The following MVB12B variants were observed in gnomAD, a reference collection of about 807,000 sequenced individuals.
MVB12B encodes the protein multivesicular body subunit 12B, also known as ESCRT-I complex subunit MVB12B.
In MVB12B, 16 loss-of-function variants were observed where a neutral mutation model predicts 41.6. The ratio of observed to expected loss-of-function variants is 0.38; its 90% CI spans 0.26 to 0.58. The LOEUF is 0.58. Ranked by LOEUF, MVB12B falls within the 20% of genes least tolerant of loss-of-function variation. The pLI, the probability that MVB12B is intolerant of heterozygous loss-of-function variation, is 0.62. For synonymous variants in MVB12B, 133 were observed against 139.7 expected, an observed-to-expected ratio of 0.95 and a Z score of 0.34; for missense variants, 274 against 380.2, an observed-to-expected ratio of 0.72 and a Z score of 2.32.
intron 9 of MVB12B, among the ~76,000 whole-genome samples, chr9:126,497,525 A>C (rs1833862916): frequency 6.6e-6 from 1 of 152,056 alleles, no homozygotes; most frequent in Non-Finnish European, 1.5e-5. Context: ...GTCCTGCCAG[A>C]CTACTCGGCT....
chr9:126,483,930 A>G, intron 8 of MVB12B, 43 bp from the exon 9 acceptor site: 1 of 1,606,236 alleles, frequency 6.2e-7, no homozygotes, highest in South Asian at 1.1e-5. Flanking sequence ...TGGGAGGAGC[A>G]TTTTCCAGCT....
chr9:126,333,231 T>G lies in MVB12B; in HGVS notation c.81+6221T>G, dbSNP rs1162609397. Among the ~76,000 whole-genome samples the G allele has an allele frequency of 6.6e-6, 1 of 151,694 alleles. No individual in the cohort carries two copies. The highest frequency in any genetic ancestry group is 2.4e-5 in the African/African-American group (1 of 41,250). On this transcript the variant is annotated intron_variant, in intron 1 of 9. Transcript: ENST00000361171. The surrounding 1 kb of genome is among the most constrained non-coding windows in gnomAD (Gnocchi z 4.7). ...CCTCCCGAGTAGGTGGGACTACAGG[T>G]GCGTGCCACCATGCCTGGCTAATTT...
At chr9:126,417,781 G>T (rs1306101921) in intron 6 of MVB12B, among the ~76,000 whole-genome samples, 2 of 152,208 alleles carry the variant, frequency 1.3e-5, no homozygotes, top group East Asian at 1.9e-4. Context: ...TACCTGGAGT[G>T]GGGTGAGAGA....
intron 7 of MVB12B, among the ~76,000 whole-genome samples, chr9:126,444,508 G>A (rs919192842): frequency 1.3e-5 from 2 of 152,072 alleles, no homozygotes; most frequent in African/African-American, 2.4e-5. Context: ...CTGTCTGTCC[G>A]CAGCATCTCT....
intron 7 of MVB12B, among the ~76,000 whole-genome samples, chr9:126,450,595 A>T (rs73668024): frequency 0.056 from 8,525 of 152,160 alleles, 765 homozygotes; most frequent in African/African-American, 0.19. Flanking sequence ...GCCAGAACAG[A>T]TGTTGGTCAT....
chr9:126,425,246 C>T (rs1564324462), intron 7 of MVB12B, among the ~76,000 whole-genome samples: 1 of 152,082 alleles, frequency 6.6e-6, no homozygotes, highest in South Asian at 2.1e-4. Context: ...TGGAAATAGC[C>T]GTGCACTCCT....
chr9:126,340,748 A>C lies in MVB12B; in HGVS notation c.204+118A>C. On this transcript the variant is annotated intron_variant, in intron 2 of 9. Coordinates refer to ENST00000361171, the MANE Select transcript of MVB12B (RefSeq NM_033446.3). This position sits in a 1 kb window ranked among gnomAD's most constrained non-coding sequence, Gnocchi z 4.0. ...TGTGCTTCTTCCCTCTAGGAACTTA[A>C]TCCAGGGAGGGCGTGGAGAGCATCC... 7.9e-7 allele frequency: 1 copy of C among 1,266,996 alleles called. No individual in the cohort carries two copies. The highest frequency in any genetic ancestry group is 1.1e-6 in the Non-Finnish European group (1 of 912,348). The allele number at this position is 1,266,996 out of a possible 1,614,324, so 78.5% of individuals were successfully genotyped here. A position where few individuals can be genotyped will look rare whatever the true frequency, so the allele number is the denominator to read the frequency against.
intron 6 of MVB12B, chr9:126,396,231 G>C (rs1387745280): frequency 1.0e-6 from 1 of 987,024 alleles, no homozygotes; most frequent in Non-Finnish European, 1.2e-6. Context: ...AAAGAAACTT[G>C]GGTGAGCCAA....
intron 7 of MVB12B, among the ~76,000 whole-genome samples, chr9:126,461,020 T>C (rs1218503084): frequency 6.6e-6 from 1 of 152,338 alleles, no homozygotes; most frequent in East Asian, 1.9e-4. Context: ...GTGACTGTTA[T>C]GAGGTCTGGG....
chr9:126,378,258 C>G lies in MVB12B; in HGVS notation c.205-2806C>G, dbSNP rs938276305. ...CCTTGAGTCAGTGGTGGAGGCTCCT[C>G]TTGACACTGTGACTTCAGCCGCATA... On this transcript the variant is annotated intron_variant, in intron 2 of 9. Coordinates refer to ENST00000361171, the MANE Select transcript of MVB12B (RefSeq NM_033446.3). 2.4e-4 allele frequency among the ~76,000 whole-genome samples: 37 copies of G among 152,236 alleles called. 1 individual carries two copies. Among genetic ancestry groups the G allele is most frequent in the Non-Finnish European group, 1.5e-5 (1 of 68,046 alleles).
chr9:126,503,089 C>T, intron 9 of MVB12B, 88 bp from the exon 10 acceptor site: 2 of 1,228,732 alleles, frequency 1.6e-6, no homozygotes, highest in South Asian at 2.6e-5. Flanking sequence ...GCCCAGGCCT[C>T]TGCCTGATCT....
At chr9:126,454,617 A>AT (rs1329498845) in intron 7 of MVB12B, among the ~76,000 whole-genome samples, 1 of 152,182 alleles carries the variant, frequency 6.6e-6, no homozygotes, top group African/African-American at 2.4e-5. Flanking sequence ...TGGACCTTGC[A>AT]TTTTTTAACC....
At chr9:126,448,495 T>C (rs1279025326) in intron 7 of MVB12B, 1 of 152,262 alleles carries the variant, frequency 6.6e-6, no homozygotes. Context: ...TTTGGCCGTT[T>C]TGTGTTTCTA....
chr9:126,420,942 TC>T (rs1831995904), intron 6 of MVB12B, among the ~76,000 whole-genome samples: 1 of 152,212 alleles, frequency 6.6e-6, no homozygotes, highest in Non-Finnish European at 1.5e-5. Flanking sequence ...TGATAAGTGT[TC>T]CCTCCAGCAG....
At chr9:126,381,253 G>A in intron 3 of MVB12B, 82 bp downstream of exon 3, 1 of 1,025,494 alleles carries the variant, frequency 9.8e-7, no homozygotes, top group Non-Finnish European at 1.5e-6. Context: ...TTTTGTTGTT[G>A]TTGTGGTTTA....
At chr9:126,393,042 TG>T (rs1179890024) in intron 5 of MVB12B, among the ~76,000 whole-genome samples, 1 of 152,216 alleles carries the variant, frequency 6.6e-6, no homozygotes, top group East Asian at 1.9e-4. Flanking sequence ...TGCTGAGGCC[TG>T]GGCCCGTTTG....
At position 126,414,724 on chromosome 9, in the gene MVB12B, G is replaced by A. The variant is rs554845090; in HGVS notation, c.663-7130G>A. Among the ~76,000 whole-genome samples, 3 of 152,132 alleles carry A rather than the reference G, an allele frequency of 2.0e-5. No homozygotes were observed. In the South Asian group the frequency reaches 6.2e-4, roughly 32 times the overall value. On this transcript the variant is annotated intron_variant, in intron 6 of 9. Coordinates refer to ENST00000361171, the MANE Select transcript of MVB12B (RefSeq NM_033446.3). Reference sequence around the variant, plus strand: ...TCCTAAAATCTAAACTCATGGATCTGCCTACAGAGTGGTCAACTTCGGGCC... The same window carrying A: ...TCCTAAAATCTAAACTCATGGATCTACCTACAGAGTGGTCAACTTCGGGCC...
chr9:126,466,040 C>A (rs1312461685), intron 7 of MVB12B, among the ~76,000 whole-genome samples: 1 of 152,184 alleles, frequency 6.6e-6, no homozygotes, highest in East Asian at 1.9e-4. Flanking sequence ...AAAGATGTAG[C>A]CCCTCCATCA....
In MVB12B at chr9:126,459,691, T is replaced by A. The variant is rs1833050485; in HGVS notation, c.758-21678T>A. Among the ~76,000 whole-genome samples, 1 of 152,130 alleles carries A rather than the reference T, an allele frequency of 6.6e-6. No individual in the cohort carries two copies. ...AGTTTTGGAGCAGAAGGATGCCTCT[T>A]CTGGATGTGGGGCAGCTTGGAGTGC... On this transcript the variant is annotated intron_variant, in intron 7 of 9. Coordinates refer to ENST00000361171, the MANE Select transcript of MVB12B (RefSeq NM_033446.3). The surrounding 1 kb of genome is among the most constrained non-coding windows in gnomAD (Gnocchi z 4.3).
Sources: allele counts gnomAD v4.1 joint callset (sites outside exome capture counted in the v4.1 genomes callset), GRCh38; gene constraint gnomAD v4.1.1; non-coding constraint Gnocchi (gnomAD v3.1); transcripts MANE v1.5; gene names NCBI Gene and HGNC (gene_info 2026-07-23, HGNC 2026-07-21).